Variants in SPEF2 observed in about 807,000 individuals in gnomAD.
SPEF2 encodes sperm flagella and cilia-associated protein 2.
In SPEF2, 187 loss-of-function variants were observed where a neutral mutation model predicts 224.6. The observed-to-expected ratio is 0.83, with a 90% CI of 0.74 to 0.94. The LOEUF (loss-of-function observed/expected upper bound fraction) is 0.94, where lower values mean the gene tolerates loss of function less well. Among genes scored for constraint, SPEF2 ranks in the 40% least tolerant of loss-of-function variants. SPEF2 has a pLI of 0.00. For synonymous variants in SPEF2, 715 were observed against 707.3 expected (o/e 1.01, Z -0.17); for missense variants, 2,170 against 2,135.6 (o/e 1.02, Z -0.32).
intron 1 of SPEF2, among the ~76,000 whole-genome samples, chr5:35,619,486 G>A (rs187769223): frequency 1.0e-3 from 152 of 152,208 alleles, no homozygotes; most frequent in African/African-American, 3.4e-3. Flanking sequence ...TTCGAGACCA[G>A]CCTGGCCAAC....
intron 30 of SPEF2, among the ~76,000 whole-genome samples, chr5:35,780,134 C>G (rs1754127482): frequency 6.6e-6 from 1 of 152,224 alleles, no homozygotes; most frequent in African/African-American, 2.4e-5. Context: ...TGCCCCTTCT[C>G]ACTGAACTAA....
chr5:35,721,863 T>A (rs1743745579), intron 20 of SPEF2, among the ~76,000 whole-genome samples: 1 of 152,148 alleles, frequency 6.6e-6, no homozygotes, highest in Non-Finnish European at 1.5e-5. Context: ...AAACAAAGCC[T>A]TGCCAAGTGG....
intron 28 of SPEF2, 46 bp from the exon 29 acceptor site, chr5:35,776,211 A>G (rs572638364): frequency 6.4e-7 from 1 of 1,566,152 alleles, no homozygotes; most frequent in South Asian, 1.2e-5. Context: ...TAGTAAATGC[A>G]TGCACTGCAA....
intron 23 of SPEF2, among the ~76,000 whole-genome samples, chr5:35,751,474 G>GTAAT (rs954751233): frequency 2.0e-5 from 3 of 151,368 alleles, no homozygotes; most frequent in African/African-American, 7.3e-5. Context: ...GAAAAATAAG[G>GTAAT]TAATTAATTA....
At chr5:35,786,426 G>A (rs780625801) in intron 30 of SPEF2, among the ~76,000 whole-genome samples, 3 of 152,214 alleles carry the variant, frequency 2.0e-5, no homozygotes, top group Non-Finnish European at 2.9e-5. Flanking sequence ...TTGGGAAGCC[G>A]AGGTGGGTGG....
intron 5 of SPEF2, 52 bp downstream of exon 5, chr5:35,646,859 G>A: frequency 6.3e-7 from 1 of 1,586,748 alleles, no homozygotes; most frequent in Non-Finnish European, 8.6e-7. Context: ...CTAAAGAATA[G>A]TCTGTCTCTG....
intron 26 of SPEF2, among the ~76,000 whole-genome samples, chr5:35,770,274 T>C (rs1219235722): frequency 1.3e-5 from 2 of 152,142 alleles, no homozygotes; most frequent in Non-Finnish European, 2.9e-5. Context: ...CACTGTGAAG[T>C]TTTGATGTCT....
intron 30 of SPEF2, among the ~76,000 whole-genome samples, chr5:35,780,314 G>T (rs896066972): frequency 6.6e-6 from 1 of 152,140 alleles, no homozygotes; most frequent in African/African-American, 2.4e-5. Context: ...AGTAAAAAGA[G>T]CATTACTCTA....
Position 35,705,718 on chromosome 5 carries a change from A to T in SPEF2, c.2575A>T (p.Ile859Leu). The T allele has an allele frequency of 6.3e-7, 1 of 1,591,276 alleles. No homozygotes were observed. The highest frequency in any genetic ancestry group is 8.5e-7 in the Non-Finnish European group (1 of 1,170,730). The change falls in exon 18 of 37, where the codon ATA becomes TTA. Residue 859 changes from isoleucine (I) to leucine (L), a missense_variant. Transcript: ENST00000356031. The stretch of plus-strand genomic sequence containing the variant: ...GTTTTCAGAGCCAGAAAATATTTTG[A>T]TAAAAATCAATGCTGAAATAGATAA... ...QWFSEPENILIKINAEIDKES... is the reference protein window; with the variant it reads ...QWFSEPENILLKINAEIDKES...
At chr5:35,708,672 C>T (rs1740440731) in intron 18 of SPEF2, among the ~76,000 whole-genome samples, 1 of 150,176 alleles carries the variant, frequency 6.7e-6, no homozygotes, top group Admixed American at 6.6e-5. Context: ...CCACCAGCAC[C>T]ATCACCACCT....
At chr5:35,794,636 C>G (rs1756416544) in intron 32 of SPEF2, among the ~76,000 whole-genome samples, 1 of 152,192 alleles carries the variant, frequency 6.6e-6, no homozygotes, top group Non-Finnish European at 1.5e-5. Flanking sequence ...AAAGTGCGCA[C>G]TCGTGAAATT....
At chr5:35,666,813 A>G (rs1249233229) in intron 8 of SPEF2, among the ~76,000 whole-genome samples, 2 of 152,136 alleles carry the variant, frequency 1.3e-5, no homozygotes, top group African/African-American at 4.8e-5. Flanking sequence ...ATTAATCCAC[A>G]TTGGGCTTTC....
At chr5:35,670,909 T>TTAGC in intron 10 of SPEF2, 2 of 985,402 alleles carry the variant, frequency 2.0e-6, no homozygotes, top group Non-Finnish European at 2.4e-6. Flanking sequence ...AGTTAAACAC[T>TTAGC]TAGCTGAGTG....
In SPEF2 at chr5:35,667,243, C is replaced by A; in HGVS notation, c.1339C>A (p.Arg447=). The change falls in exon 9 of 37, where the codon CGA becomes AGA. Residue 447 remains arginine (R), a synonymous_variant. Transcript: ENST00000356031. ...VDLSTKVADY[R]MLTNNLIPYK... ...TTTGTCCACTAAAGTGGCAGACTATCGAATGTTGACAAATAAGTAAGTATT... is the reference window on the plus strand; with the variant it reads ...TTTGTCCACTAAAGTGGCAGACTATAGAATGTTGACAAATAAGTAAGTATT... 3 of 1,594,908 alleles carry A rather than the reference C, an allele frequency of 1.9e-6. No homozygotes were observed. The highest frequency in any genetic ancestry group is 1.7e-6 in the Non-Finnish European group (2 of 1,169,496).
In SPEF2 at chr5:35,649,764, A is replaced by G. The variant is rs970599701; in HGVS notation, c.791+339A>G. 1.4e-4 allele frequency among the ~76,000 whole-genome samples: 21 copies of G among 152,266 alleles called. 1 individual carries two copies. Among genetic ancestry groups the G allele is most frequent in the Admixed American group, 4.6e-4 (7 of 15,286 alleles). On this transcript the variant is annotated intron_variant, in intron 6 of 36. Transcript: ENST00000356031. Reference sequence around the variant, plus strand: ...AATTTGTCACAGTAAATCCTTTATTAGATTCTAGTTTGGTTTATATCATGC... The same window carrying G: ...AATTTGTCACAGTAAATCCTTTATTGGATTCTAGTTTGGTTTATATCATGC...
At chr5:35,727,628 TCC>T in intron 20 of SPEF2, 45 bp from the exon 21 acceptor site, 1 of 1,510,078 alleles carries the variant, frequency 6.6e-7, no homozygotes, top group Non-Finnish European at 9.1e-7. Flanking sequence ...CAGAATTCTG[TCC>T]CATTCATTTA....
chr5:35,641,639 A>G lies in SPEF2; in HGVS notation c.370A>G (p.Thr124Ala), dbSNP rs751387850. ...GGAGATGCAAACCATGCAACGTCTG[A>G]CAAATTTAAGACTTCAAAACATGAA... ...GVEMQTMQRL[T>A]NLRLQNMKSD... Residue 124 changes from threonine to alanine, a missense_variant, in exon 3 of 37, where the codon ACA becomes GCA. Thr to Ala is a moderately conservative substitution (Grantham distance 58, BLOSUM62 0). Coordinates refer to ENST00000356031, the MANE Select transcript of SPEF2 (RefSeq NM_024867.4). 3 of 1,613,602 alleles carry G rather than the reference A, an allele frequency of 1.9e-6. No individual in the cohort carries two copies. In the East Asian group the frequency reaches 6.7e-5, roughly 36 times the overall value.
chr5:35,688,517 CT>C (rs1218384626), intron 10 of SPEF2, among the ~76,000 whole-genome samples: 1 of 151,804 alleles, frequency 6.6e-6, no homozygotes, highest in African/African-American at 2.4e-5. Flanking sequence ...TGATCATATG[CT>C]TTTTTTTATT....
intron 21 of SPEF2, among the ~76,000 whole-genome samples, chr5:35,736,753 A>G (rs1011777392): frequency 2.0e-5 from 3 of 152,136 alleles, no homozygotes; most frequent in African/African-American, 7.2e-5. Context: ...TGATGAGGGG[A>G]ATGAGCAGGA....
Sources: allele counts gnomAD v4.1 joint callset (sites outside exome capture counted in the v4.1 genomes callset), GRCh38; gene constraint gnomAD v4.1.1; transcripts MANE v1.5; gene names NCBI Gene and HGNC (gene_info 2026-07-23, HGNC 2026-07-21).